PDK1: variants seen among roughly 807,000 people sequenced by gnomAD.
The protein encoded by PDK1 is pyruvate dehydrogenase kinase 1.
Under a neutral mutation model 54.2 loss-of-function variants are expected in PDK1, and 39 were observed. That is an observed-to-expected ratio of 0.72 (90% confidence interval 0.56 to 0.94). The LOEUF (loss-of-function observed/expected upper bound fraction) is 0.94. PDK1 is among the 40% of genes least tolerant of loss of function. The probability of loss-of-function intolerance (pLI) is 0.00; values close to 1 mark genes in which losing one functional copy is unlikely to be tolerated. For synonymous variants in PDK1, 221 were observed against 207.1 expected (o/e 1.07, Z -0.58); for missense variants, 552 against 566.0 (o/e 0.98, Z 0.25).
At chr2:172,584,743 C>T (rs1427209304) in intron 8 of PDK1, among the ~76,000 whole-genome samples, 5 of 148,344 alleles carry the variant, frequency 3.4e-5, no homozygotes, top group African/African-American at 1.2e-4. Context: ...CAGCCTCGAA[C>T]TCCTGGGCTG....
At chr2:172,630,696 C>A in the PDK1 span, among the ~76,000 whole-genome samples, 1 of 150,704 alleles carries the variant, frequency 6.6e-6, no homozygotes. Flanking sequence ...GTGGTGCGAT[C>A]TCGGTTCACT....
In PDK1 at chr2:172,571,030, G is replaced by A. The variant is rs772703862; in HGVS notation, c.945+206G>A. Among the ~76,000 whole-genome samples, 95 of 152,082 alleles carry A rather than the reference G, an allele frequency of 6.2e-4. 1 individual carries two copies. The highest frequency in any genetic ancestry group is 2.1e-3 in the Admixed American group (32 of 15,268). On this transcript the variant is annotated intron_variant, in intron 8 of 10. Transcript: ENST00000282077. ...TGAGTCTTTTCTATGCAGGTCCCCC[G>A]TCGAGGTGATTCAAGTTAAAATAAA...
At chr2:172,555,590 G>A (rs1015641805), upstream of PDK1, 1 of 152,248 alleles carries the variant, frequency 6.6e-6, no homozygotes, top group African/African-American at 2.4e-5. Flanking sequence ...CCTGGAAAAT[G>A]CGTGGCTTGC....
At chr2:172,698,747 C>T in the PDK1 span, among the ~76,000 whole-genome samples, 1 of 152,216 alleles carries the variant, frequency 6.6e-6, no homozygotes, top group East Asian at 1.9e-4. Flanking sequence ...CAATGGTCCT[C>T]AACCTTGACT....
At position 172,605,053 on chromosome 2, in the gene PDK1, A is replaced by T. The variant is rs1436907175; in HGVS notation, c.*9084A>T. On this transcript the variant is annotated 3_prime_UTR_variant, in exon 11 of 11. Transcript: ENST00000282077. The stretch of plus-strand genomic sequence containing the variant: ...TCTCAGAGAAAACTTTTCCCTCTAT[A>T]GACTCCCCATTTTAAGAAGGAGGCA... 2.0e-5 allele frequency: 3 copies of T among 152,144 alleles called. No homozygotes were observed. The highest frequency in any genetic ancestry group is 2.4e-5 in the African/African-American group (1 of 41,426). The allele number at this position is 152,144 out of a possible 1,614,324, so 9.4% of individuals were successfully genotyped here. A position where few individuals can be genotyped will look rare whatever the true frequency, so the allele number is the denominator to read the frequency against.
chr2:172,564,408 G>T, intron 3 of PDK1, 95 bp from the exon 4 acceptor site: 1 of 913,574 alleles, frequency 1.1e-6, no homozygotes. Context: ...ATTAAATTGG[G>T]GATTTTTTGT....
At chr2:172,686,933 G>A in the PDK1 span, among the ~76,000 whole-genome samples, 7 of 152,110 alleles carry the variant, frequency 4.6e-5, no homozygotes, top group Admixed American at 3.9e-4. Context: ...ATCTGTCTTT[G>A]ATATCATCTT....
chr2:172,692,366 T>G, the PDK1 span, among the ~76,000 whole-genome samples: 1 of 152,212 alleles, frequency 6.6e-6, no homozygotes, highest in African/African-American at 2.4e-5. Context: ...GTTTACAACC[T>G]TTGTATGTTT....
At chr2:172,556,908 C>G (rs1558920992) in intron 1 of PDK1, among the ~76,000 whole-genome samples, 2 of 152,190 alleles carry the variant, frequency 1.3e-5, no homozygotes, top group Non-Finnish European at 2.9e-5. Flanking sequence ...TGCATGAGGA[C>G]AAGATGCTGT....
intron 5 of PDK1, among the ~76,000 whole-genome samples, chr2:172,565,733 C>T (rs550401228): frequency 6.6e-6 from 1 of 152,328 alleles, no homozygotes; most frequent in South Asian, 2.1e-4. Context: ...CACTTGTACA[C>T]ATACACAATT....
chr2:172,626,911 A>G, the PDK1 span, among the ~76,000 whole-genome samples: 1 of 152,208 alleles, frequency 6.6e-6, no homozygotes, highest in Non-Finnish European at 1.5e-5. Flanking sequence ...ACAGTATCCA[A>G]TCCCTTTCTT....
At chr2:172,595,764 A>G (rs143024207) in intron 10 of PDK1, 65 bp from the exon 11 acceptor site, 99 of 1,424,034 alleles carry the variant, frequency 7.0e-5, no homozygotes, top group African/African-American at 1.7e-4. Context: ...GCCATTGTCT[A>G]TTTTCTCAAA....
chr2:172,629,419 C>T, the PDK1 span, among the ~76,000 whole-genome samples: 9 of 152,136 alleles, frequency 5.9e-5, no homozygotes, highest in Admixed American at 1.3e-4. Flanking sequence ...AGTAGCTGGA[C>T]GTCAGAGAGA....
the PDK1 span, among the ~76,000 whole-genome samples, chr2:172,621,051 A>G: frequency 6.6e-6 from 1 of 152,232 alleles, no homozygotes; most frequent in African/African-American, 2.4e-5. Context: ...AAGCCAAGGC[A>G]GACGGATCAC....
chr2:172,698,838 G>A, the PDK1 span, among the ~76,000 whole-genome samples: 1 of 152,202 alleles, frequency 6.6e-6, no homozygotes, highest in Non-Finnish European at 1.5e-5. Context: ...AGAATCTCTT[G>A]CAGGAGAGTC....
chr2:172,717,582 CT>C, the PDK1 span, among the ~76,000 whole-genome samples: 1 of 152,154 alleles, frequency 6.6e-6, no homozygotes, highest in Non-Finnish European at 1.5e-5. Flanking sequence ...GAGACAGAGT[CT>C]TGCTCTGTTG....
At chr2:172,713,640 G>T in the PDK1 span, among the ~76,000 whole-genome samples, 1 of 152,248 alleles carries the variant, frequency 6.6e-6, no homozygotes, top group Admixed American at 6.5e-5. Context: ...TGGAGCGGGT[G>T]CTGGGAGCAG....
chr2:172,620,201 A>AGTTTGTCT, the PDK1 span, among the ~76,000 whole-genome samples: 1 of 152,174 alleles, frequency 6.6e-6, no homozygotes, highest in Admixed American at 6.5e-5. Flanking sequence ...TTTTTTTGAT[A>AGTTTGTCT]GTTTGTCTTG....
At chr2:172,707,449 T>C in the PDK1 span, among the ~76,000 whole-genome samples, 1 of 152,150 alleles carries the variant, frequency 6.6e-6, no homozygotes, top group African/African-American at 2.4e-5. Flanking sequence ...GGTACCCCTT[T>C]CCTAGTCCTC....
Sources: allele counts gnomAD v4.1 joint callset (sites outside exome capture counted in the v4.1 genomes callset), GRCh38; gene constraint gnomAD v4.1.1; transcripts MANE v1.5; gene names NCBI Gene and HGNC (gene_info 2026-07-23, HGNC 2026-07-21).